TRAPPC9: variants seen among roughly 807,000 people sequenced by gnomAD.
TRAPPC9 encodes the protein trafficking protein particle complex subunit 9.
Under a neutral mutation model 124.0 loss-of-function variants are expected in TRAPPC9, and 83 were observed. The ratio of observed to expected loss-of-function variants is 0.67; its 90% CI spans 0.56 to 0.80. The LOEUF (loss-of-function observed/expected upper bound fraction) is 0.80. TRAPPC9 is among the 30% of genes least tolerant of loss of function. The pLI is 0.00. For synonymous variants in TRAPPC9, 638 were observed against 617.5 expected (o/e 1.03, Z -0.49); for missense variants, 1,302 against 1,508.3 (o/e 0.86, Z 2.27).
chr8:139,896,665 T>C (rs1176391037), intron 20 of TRAPPC9, among the ~76,000 whole-genome samples: 1 of 152,218 alleles, frequency 6.6e-6, no homozygotes, highest in African/African-American at 2.4e-5. Context: ...TATTGACTCC[T>C]CACCGTAAAC....
intron 17 of TRAPPC9, among the ~76,000 whole-genome samples, chr8:140,177,527 T>A (rs1024105467): frequency 2.0e-5 from 3 of 152,148 alleles, no homozygotes; most frequent in Non-Finnish European, 4.4e-5. Flanking sequence ...TATGCCAATA[T>A]CACACTGTGT....
chr8:140,169,787 G>A (rs963440407), intron 17 of TRAPPC9, among the ~76,000 whole-genome samples: 1 of 152,228 alleles, frequency 6.6e-6, no homozygotes, highest in Non-Finnish European at 1.5e-5. Flanking sequence ...TGCTAGATGG[G>A]TATAGGGTTT....
chr8:140,122,790 G>A (rs1470984725), intron 17 of TRAPPC9, among the ~76,000 whole-genome samples: 1 of 152,168 alleles, frequency 6.6e-6, no homozygotes, highest in Non-Finnish European at 1.5e-5. Flanking sequence ...TGGGAGGCAG[G>A]TGACTCAGCC....
intron 3 of TRAPPC9, among the ~76,000 whole-genome samples, chr8:140,437,596 C>G (rs1340454328): frequency 1.3e-5 from 2 of 152,178 alleles, no homozygotes; most frequent in Admixed American, 1.3e-4. Context: ...TGCACTCCAG[C>G]CTGGGCAACA....
chr8:139,987,953 T>C (rs1837352741), intron 19 of TRAPPC9, among the ~76,000 whole-genome samples: 1 of 152,190 alleles, frequency 6.6e-6, no homozygotes, highest in Non-Finnish European at 1.5e-5. Flanking sequence ...CAATTGGTAG[T>C]GCGGCCTCTC....
chr8:140,012,964 C>T (rs1839229266), intron 18 of TRAPPC9, among the ~76,000 whole-genome samples: 1 of 152,164 alleles, frequency 6.6e-6, no homozygotes, highest in Non-Finnish European at 1.5e-5. Context: ...GCAACTGGCA[C>T]TTAGTGTGTG....
At chr8:139,926,602 T>TAAAAAAAAAAA (rs1407533502) in intron 19 of TRAPPC9, among the ~76,000 whole-genome samples, 1 of 101,852 alleles carries the variant, frequency 9.8e-6, no homozygotes, top group African/African-American at 4.0e-5. Flanking sequence ...TACAATGAAT[T>TAAAAAAAAAAA]AAAATAAAAA....
intron 7 of TRAPPC9, among the ~76,000 whole-genome samples, chr8:140,380,005 T>C (rs1241110456): frequency 1.3e-5 from 2 of 152,188 alleles, no homozygotes; most frequent in Non-Finnish European, 2.9e-5. Context: ...ATTGCTAAGA[T>C]GGTAAAACAC....
chr8:140,229,178 GA>G (rs2063523930), intron 16 of TRAPPC9, among the ~76,000 whole-genome samples: 1 of 150,814 alleles, frequency 6.6e-6, no homozygotes, highest in Non-Finnish European at 1.5e-5. Context: ...AAAAGAATGG[GA>G]AACACAGAAA....
At chr8:140,364,104 G>C (rs1372867024) in intron 8 of TRAPPC9, among the ~76,000 whole-genome samples, 2 of 152,080 alleles carry the variant, frequency 1.3e-5, no homozygotes, top group Admixed American at 1.3e-4. Context: ...GGAAGGACAG[G>C]GAAGAGTGTC....
chr8:140,314,176 T>A (rs2066384318), intron 9 of TRAPPC9, among the ~76,000 whole-genome samples: 1 of 152,262 alleles, frequency 6.6e-6, no homozygotes, highest in African/African-American at 2.4e-5. Flanking sequence ...GTTGAGTCTT[T>A]CCCTTTATTT....
At position 140,087,850 on chromosome 8, in the gene TRAPPC9, C is replaced by T. The variant is rs965772049; in HGVS notation, c.2557-63771G>A. ...CTGGCTCTCTCCTGCAGCTTGTCGCCGCCAGCCCCAGAAAAACCCACCATC... is the reference window on the plus strand; with the variant it reads ...CTGGCTCTCTCCTGCAGCTTGTCGCTGCCAGCCCCAGAAAAACCCACCATC... On this transcript the variant is annotated intron_variant, in intron 17 of 22. Transcript: ENST00000438773. The surrounding 1 kb of genome is among the most constrained non-coding windows in gnomAD (Gnocchi z 4.6). 2.0e-5 allele frequency among the ~76,000 whole-genome samples: 3 copies of T among 152,076 alleles called. No homozygotes were observed. The highest frequency in any genetic ancestry group is 2.0e-4 in the Admixed American group (3 of 15,270).
At chr8:140,413,250 G>T (rs1352089802) in intron 5 of TRAPPC9, among the ~76,000 whole-genome samples, 2 of 152,122 alleles carry the variant, frequency 1.3e-5, no homozygotes, top group Non-Finnish European at 2.9e-5. Context: ...TTAGTTGGGT[G>T]TGGTGGCACA....
intron 21 of TRAPPC9, among the ~76,000 whole-genome samples, chr8:139,740,155 G>A (rs977669166): frequency 1.3e-5 from 2 of 152,216 alleles, no homozygotes; most frequent in African/African-American, 4.8e-5. Flanking sequence ...AATCTCCTGG[G>A]AGCCAATCAG....
Position 139,804,719 on chromosome 8 carries a change from GGCACCAAGCACCACCACCACCA to G in TRAPPC9, c.3056-72539_3056-72518del, listed in dbSNP as rs1563827659. On this transcript the variant is annotated intron_variant, in intron 21 of 22. Coordinates refer to ENST00000438773, the MANE Select transcript of TRAPPC9 (RefSeq NM_001160372.4). ...CCACCCACCACCACCACCCACCACC[GGCACCAAGCACCACCACCACCA>G]CCACCAAGCACCGCCACCACTACCC... Among the ~76,000 whole-genome samples, 158 of 52,978 alleles carry G rather than the reference GGCACCAAGCACCACCACCACCA, an allele frequency of 3.0e-3. 8 individuals are homozygous for G. The highest frequency in any genetic ancestry group is 0.011 in the African/African-American group (138 of 12,302). 34.8% of individuals were successfully genotyped at this position (52,978 alleles called of 152,430 possible).
intron 20 of TRAPPC9, among the ~76,000 whole-genome samples, chr8:139,886,426 C>T (rs961060940): frequency 5.3e-5 from 8 of 152,170 alleles, no homozygotes; most frequent in African/African-American, 1.2e-4. Context: ...TTATTACGAA[C>T]GAACTCACTT....
chr8:140,178,492 T>C (rs1300912052), intron 17 of TRAPPC9, among the ~76,000 whole-genome samples: 2 of 152,130 alleles, frequency 1.3e-5, no homozygotes, highest in Non-Finnish European at 2.9e-5. Context: ...GAATGCTGCA[T>C]TCTTTTTCTT....
At chr8:139,975,829 C>G (rs1443436407) in intron 19 of TRAPPC9, among the ~76,000 whole-genome samples, 1 of 152,024 alleles carries the variant, frequency 6.6e-6, no homozygotes, top group Non-Finnish European at 1.5e-5. Flanking sequence ...ATCAGCTGCT[C>G]TCTCTTCTAA....
At chr8:140,014,861 C>A (rs762793044) in intron 18 of TRAPPC9, among the ~76,000 whole-genome samples, 2 of 152,186 alleles carry the variant, frequency 1.3e-5, no homozygotes, top group African/African-American at 2.4e-5. Context: ...GGATGCCCGA[C>A]GCAACACCCA....
Sources: allele counts gnomAD v4.1 joint callset (sites outside exome capture counted in the v4.1 genomes callset), GRCh38; gene constraint gnomAD v4.1.1; non-coding constraint Gnocchi (gnomAD v3.1); transcripts MANE v1.5; gene names NCBI Gene and HGNC (gene_info 2026-07-23, HGNC 2026-07-21).